Variants in MBTD1 observed in about 807,000 individuals in gnomAD.
MBTD1 encodes MBT domain-containing protein 1.
MBTD1 carries 24 observed loss-of-function variants against 87.8 expected under a neutral mutation model. The ratio of observed to expected loss-of-function variants is 0.27; its 90% CI spans 0.20 to 0.38. The LOEUF (loss-of-function observed/expected upper bound fraction) is 0.38, where lower values mean the gene tolerates loss of function less well. MBTD1 is among the 10% of genes least tolerant of loss of function. The probability of loss-of-function intolerance (pLI) is 1.00; values close to 1 mark genes in which losing one functional copy is unlikely to be tolerated. For missense variants in MBTD1, 436 were observed against 760.2 expected (o/e 0.57, Z 5.02); for synonymous variants, 237 against 248.6 (o/e 0.95, Z 0.44).
chr17:51,227,390 A>G (rs1598385181), intron 2 of MBTD1, among the ~76,000 whole-genome samples: 1 of 152,150 alleles, frequency 6.6e-6, no homozygotes, highest in African/African-American at 2.4e-5. Context: ...GCAAAACTCC[A>G]TCTCTACAAA....
At chr17:51,184,439 T>C (rs913857209) in intron 16 of MBTD1, 1 of 152,256 alleles carries the variant, frequency 6.6e-6, no homozygotes, top group Non-Finnish European at 1.5e-5. Flanking sequence ...CAACAGCTAA[T>C]GAAACCATAG....
At chr17:51,258,008 C>CAAAA (rs11324573) in intron 2 of MBTD1, among the ~76,000 whole-genome samples, 1 of 136,996 alleles carries the variant, frequency 7.3e-6, no homozygotes. Context: ...GGAGGTGGTG[C>CAAAA]AAAAAAAAAA....
intron 3 of MBTD1, among the ~76,000 whole-genome samples, chr17:51,221,933 T>C (rs1860574): frequency 0.39 from 59,896 of 152,020 alleles, 13,285 homozygotes; most frequent in East Asian, 0.6. Flanking sequence ...TGAGAAATCA[T>C]GGAAAAAAGA....
chr17:51,180,966 A>G (rs1270795093), intron 16 of MBTD1, among the ~76,000 whole-genome samples: 1 of 150,302 alleles, frequency 6.7e-6, no homozygotes, highest in Non-Finnish European at 1.5e-5. Flanking sequence ...ATTCACTTTT[A>G]TGTCAATGTT....
intron 4 of MBTD1, among the ~76,000 whole-genome samples, chr17:51,219,723 G>GTTAAGTTAATGCCT (rs1359222314): frequency 6.6e-6 from 1 of 152,154 alleles, no homozygotes; most frequent in Non-Finnish European, 1.5e-5. Flanking sequence ...GCAAAAATCA[G>GTTAAGTTAATGCCT]TTAAGTTAAT....
intron 2 of MBTD1, among the ~76,000 whole-genome samples, chr17:51,255,033 A>C (rs1006677174): frequency 6.6e-6 from 1 of 152,238 alleles, no homozygotes; most frequent in Non-Finnish European, 1.5e-5. Flanking sequence ...CTGTAATCCC[A>C]GCACTTTGGG....
intron 2 of MBTD1, among the ~76,000 whole-genome samples, chr17:51,255,598 T>C (rs878891118): frequency 2.7e-5 from 4 of 150,108 alleles, no homozygotes; most frequent in African/African-American, 1.0e-4. Flanking sequence ...CTTTTTTTTT[T>C]CCTTTTTTTT....
intron 5 of MBTD1, among the ~76,000 whole-genome samples, chr17:51,217,902 TTTCTTAACTG>T (rs2052663268): frequency 6.6e-6 from 1 of 151,570 alleles, no homozygotes; most frequent in Non-Finnish European, 1.5e-5. Flanking sequence ...TGGCCAGGAG[TTTCTTAACTG>T]TTCTATACAT....
chr17:51,260,203 T>TG (rs1174043373), upstream of MBTD1: 3 of 397,540 alleles, frequency 7.5e-6, no homozygotes, highest in Non-Finnish European at 1.3e-5. Flanking sequence ...GAAAGCGTAT[T>TG]GGGGCTTGTG....
chr17:51,226,439 G>A (rs1437112173), intron 2 of MBTD1, among the ~76,000 whole-genome samples: 1 of 151,202 alleles, frequency 6.6e-6, no homozygotes, highest in Non-Finnish European at 1.5e-5. Flanking sequence ...GGAGGTGGAG[G>A]TTGCAGTGAG....
At chr17:51,229,471 T>C (rs1308847113) in intron 2 of MBTD1, among the ~76,000 whole-genome samples, 1 of 152,136 alleles carries the variant, frequency 6.6e-6, no homozygotes, top group Non-Finnish European at 1.5e-5. Context: ...CCACATGTCA[T>C]TGTCAGGTAT....
intron 2 of MBTD1, among the ~76,000 whole-genome samples, chr17:51,241,143 T>C (rs2054142394): frequency 6.6e-6 from 1 of 151,990 alleles, no homozygotes; most frequent in African/African-American, 2.4e-5. Flanking sequence ...CCCAGCTAAT[T>C]TTTGTACTTT....
chr17:51,255,246 A>G (rs942534215), intron 2 of MBTD1, among the ~76,000 whole-genome samples: 1 of 151,920 alleles, frequency 6.6e-6, no homozygotes, highest in African/African-American at 2.4e-5. Context: ...ATGCCACTGC[A>G]CTCCAGCCTG....
intron 2 of MBTD1, among the ~76,000 whole-genome samples, chr17:51,247,824 C>G (rs2054538448): frequency 6.6e-6 from 1 of 152,214 alleles, no homozygotes; most frequent in South Asian, 2.1e-4. Context: ...AGTATCTGGT[C>G]AGGCAGAATT....
intron 9 of MBTD1, 50 bp downstream of exon 9, chr17:51,203,090 T>C (rs2051588339): frequency 1.2e-5 from 17 of 1,429,362 alleles, no homozygotes; most frequent in Non-Finnish European, 1.7e-5. Context: ...TGTTCTCTGT[T>C]ACCCTTGTTT....
In MBTD1 at chr17:51,178,859, T is replaced by C. The variant is rs1279413686; in HGVS notation, c.*1717A>G. ...TAAGAAATGGTGACATGCGATTCCATACATTCTTACACTATAAAGTAACAA... is the reference window on the plus strand; with the variant it reads ...TAAGAAATGGTGACATGCGATTCCACACATTCTTACACTATAAAGTAACAA... On this transcript the variant is annotated 3_prime_UTR_variant, in exon 17 of 17. Transcript: ENST00000586178. 6.6e-6 allele frequency: 1 copy of C among 152,210 alleles called. No individual in the cohort carries two copies. Among genetic ancestry groups the C allele is most frequent in the Non-Finnish European group, 1.5e-5 (1 of 68,038 alleles). 9.4% of individuals were successfully genotyped at this position (152,210 alleles called of 1,614,324 possible).
At chr17:51,258,946 G>A (rs2055265653) in intron 2 of MBTD1, among the ~76,000 whole-genome samples, 197 bp downstream of exon 2, 1 of 152,178 alleles carries the variant, frequency 6.6e-6, no homozygotes, top group Non-Finnish European at 1.5e-5. Context: ...AGGCCAATGA[G>A]CAGTGGGTGG....
chr17:51,257,347 A>G (rs1472893531), intron 2 of MBTD1, among the ~76,000 whole-genome samples: 1 of 152,234 alleles, frequency 6.6e-6, no homozygotes, highest in Non-Finnish European at 1.5e-5. Context: ...TCACTTGTCT[A>G]ATTTTAGAAT....
chr17:51,259,126 G>A lies in MBTD1; in HGVS notation c.-49+17C>T, dbSNP rs533888556. 5.7e-5 allele frequency: 28 copies of A among 492,576 alleles called. No homozygotes were observed. The highest frequency in any genetic ancestry group is 5.2e-4 in the African/African-American group (26 of 50,426). 30.5% of individuals were successfully genotyped at this position (492,576 alleles called of 1,614,324 possible). A position where few individuals can be genotyped will look rare whatever the true frequency, so the allele number is the denominator to read the frequency against. On this transcript the variant is annotated intron_variant, in intron 2 of 16. Coordinates refer to ENST00000586178, the MANE Select transcript of MBTD1 (RefSeq NM_017643.3). Reference sequence around the variant, plus strand: ...CTCAGTGCTTTTAGGGGTGTAAGCAGGGTTCAGACTACCTACCACTTGTCA... The same window carrying A: ...CTCAGTGCTTTTAGGGGTGTAAGCAAGGTTCAGACTACCTACCACTTGTCA...
Sources: allele counts gnomAD v4.1 joint callset (sites outside exome capture counted in the v4.1 genomes callset), GRCh38; gene constraint gnomAD v4.1.1; transcripts MANE v1.5; gene names NCBI Gene and HGNC (gene_info 2026-07-23, HGNC 2026-07-21).